SPOCK1: variants seen among roughly 807,000 people sequenced by gnomAD.
SPOCK1 encodes the protein testican-1.
In SPOCK1, 23 loss-of-function variants were observed where a neutral mutation model predicts 55.3. That is an observed-to-expected ratio of 0.42 (90% CI 0.30 to 0.59). SPOCK1 has a LOEUF of 0.59. Among genes scored for constraint, SPOCK1 ranks in the 20% least tolerant of loss-of-function variants. The pLI is 0.22. For synonymous variants in SPOCK1, 226 were observed against 221.0 expected, an observed-to-expected ratio of 1.02 and a Z score of -0.20; for missense variants, 499 against 552.5, an observed-to-expected ratio of 0.90 and a Z score of 0.97.
chr5:137,474,983 C>G (rs1449406872), intron 2 of SPOCK1, among the ~76,000 whole-genome samples: 1 of 152,196 alleles, frequency 6.6e-6, no homozygotes, highest in Non-Finnish European at 1.5e-5. Flanking sequence ...CACATGGTCT[C>G]AAACTTCCAT....
intron 2 of SPOCK1, among the ~76,000 whole-genome samples, chr5:137,322,807 T>G (rs1352082062): frequency 6.6e-6 from 1 of 152,182 alleles, no homozygotes; most frequent in East Asian, 1.9e-4. Context: ...ACAGGAAACC[T>G]GAGACTGGAC....
intron 2 of SPOCK1, among the ~76,000 whole-genome samples, chr5:137,391,603 C>G (rs1434981621): frequency 6.6e-6 from 1 of 152,086 alleles, no homozygotes; most frequent in Non-Finnish European, 1.5e-5. Flanking sequence ...TTATCCTTTT[C>G]TCCCAGCCCC....
intron 2 of SPOCK1, among the ~76,000 whole-genome samples, chr5:137,447,662 C>G (rs1269050121): frequency 6.6e-6 from 1 of 152,076 alleles, no homozygotes; most frequent in Non-Finnish European, 1.5e-5. Context: ...TCCCAGGGGT[C>G]TGAGAGCCAG....
At chr5:137,419,290 T>C (rs1372715954) in intron 2 of SPOCK1, among the ~76,000 whole-genome samples, 1 of 152,236 alleles carries the variant, frequency 6.6e-6, no homozygotes, top group African/African-American at 2.4e-5. Flanking sequence ...GCAGGCTCTT[T>C]TTTGGTTCCA....
intron 3 of SPOCK1, among the ~76,000 whole-genome samples, chr5:137,244,678 A>G (rs1359842621): frequency 6.6e-6 from 1 of 152,210 alleles, no homozygotes; most frequent in African/African-American, 2.4e-5. Context: ...TCTACCCTCA[A>G]TGGAAAGTGC....
chr5:137,447,744 T>C lies in SPOCK1; in HGVS notation c.186+50629A>G, dbSNP rs543052275. ...ATCTGTAAACCTATCACCATACCTATAAGAGAAATGACTAGGATTCAATCT... is the reference window on the plus strand; with the variant it reads ...ATCTGTAAACCTATCACCATACCTACAAGAGAAATGACTAGGATTCAATCT... On this transcript the variant is annotated intron_variant, in intron 2 of 10. Transcript: ENST00000394945. Among the ~76,000 whole-genome samples the C allele has an allele frequency of 2.0e-5, 3 of 152,194 alleles. No individual in the cohort carries two copies. The South Asian group carries it at 6.2e-4, about 32-fold the overall frequency.
At chr5:137,133,957 G>A (rs1046029390) in intron 4 of SPOCK1, among the ~76,000 whole-genome samples, 4 of 151,002 alleles carry the variant, frequency 2.6e-5, no homozygotes, top group African/African-American at 9.7e-5. Context: ...TGGGCTGGGG[G>A]TGGGGGGGGT....
chr5:137,378,159 G>A (rs558842058), intron 2 of SPOCK1, among the ~76,000 whole-genome samples: 1 of 152,214 alleles, frequency 6.6e-6, no homozygotes, highest in African/African-American at 2.4e-5. Flanking sequence ...GGTCAGGCTG[G>A]TCTCGAACTC....
chr5:137,241,576 T>A (rs979847834), intron 3 of SPOCK1, among the ~76,000 whole-genome samples: 3 of 152,204 alleles, frequency 2.0e-5, no homozygotes, highest in Admixed American at 6.5e-5. Flanking sequence ...AAGATGCTTA[T>A]GTCATGAGAG....
intron 2 of SPOCK1, among the ~76,000 whole-genome samples, chr5:137,365,776 T>C (rs1447674843): frequency 6.6e-6 from 1 of 152,236 alleles, no homozygotes; most frequent in Non-Finnish European, 1.5e-5. Context: ...CAGAAGGTTT[T>C]CTATTATTGA....
intron 3 of SPOCK1, among the ~76,000 whole-genome samples, chr5:137,196,582 T>C (rs534105403): frequency 6.6e-6 from 1 of 152,332 alleles, no homozygotes; most frequent in East Asian, 1.9e-4. Context: ...CTTTAACCTA[T>C]TTAGCTCCTT....
At chr5:136,983,932 CA>C (rs1169049924) in intron 9 of SPOCK1, among the ~76,000 whole-genome samples, 5 of 152,128 alleles carry the variant, frequency 3.3e-5, no homozygotes, top group Admixed American at 3.3e-4. Flanking sequence ...TGACCCTTAC[CA>C]ATGAGGCAAT....
chr5:137,112,925 A>T (rs1209177945), intron 4 of SPOCK1, among the ~76,000 whole-genome samples: 7 of 152,128 alleles, frequency 4.6e-5, no homozygotes, highest in Non-Finnish European at 1.0e-4. Context: ...TGCCCAGAGA[A>T]CAGCACCCCA....
chr5:137,103,218 T>A (rs1047671142), intron 5 of SPOCK1, among the ~76,000 whole-genome samples: 15 of 152,180 alleles, frequency 9.9e-5, no homozygotes, highest in African/African-American at 3.6e-4. Flanking sequence ...ATTCCTGACC[T>A]CAGGTTATCC....
At chr5:137,268,240 A>C (rs1756894839) in intron 2 of SPOCK1, among the ~76,000 whole-genome samples, 1 of 152,200 alleles carries the variant, frequency 6.6e-6, no homozygotes, top group South Asian at 2.1e-4. Context: ...TTAGAGTAAA[A>C]TCAGAACATA....
At chr5:137,102,982 G>T (rs918178229) in intron 5 of SPOCK1, among the ~76,000 whole-genome samples, 6 of 151,618 alleles carry the variant, frequency 4.0e-5, no homozygotes, top group African/African-American at 4.8e-5. Flanking sequence ...TGCTTTTTGG[G>T]TTTTTTTTGT....
rs536914003 is a variant in SPOCK1 at position 137,010,187 on chromosome 5, C to T, written c.590-17587G>A. Among the ~76,000 whole-genome samples the T allele has an allele frequency of 3.3e-5, 5 of 152,178 alleles. No homozygotes were observed. The East Asian group carries it at 7.8e-4, about 24-fold the overall frequency. Reference sequence around the variant, plus strand: ...ATTCTGCAGTAGTCACATCTATACTCGCCCGAGTTCCCTGCAGAGTGCCTG... The same window carrying T: ...ATTCTGCAGTAGTCACATCTATACTTGCCCGAGTTCCCTGCAGAGTGCCTG... On this transcript the variant is annotated intron_variant, in intron 6 of 10. Transcript: ENST00000394945.
chr5:137,132,865 G>A (rs1472186550), intron 4 of SPOCK1, among the ~76,000 whole-genome samples: 5 of 152,184 alleles, frequency 3.3e-5, no homozygotes, highest in Non-Finnish European at 7.3e-5. Flanking sequence ...TCCCAGGGCA[G>A]AGGCTCTGGT....
chr5:137,141,895 C>A (rs974091193), intron 3 of SPOCK1, among the ~76,000 whole-genome samples: 1 of 152,150 alleles, frequency 6.6e-6, no homozygotes, highest in Non-Finnish European at 1.5e-5. Flanking sequence ...CCAAAGACAG[C>A]AGTTCATATA....
Sources: allele counts gnomAD v4.1 joint callset (sites outside exome capture counted in the v4.1 genomes callset), GRCh38; gene constraint gnomAD v4.1.1; transcripts MANE v1.5; gene names NCBI Gene and HGNC (gene_info 2026-07-23, HGNC 2026-07-21).